Variants in LRP1B observed in about 807,000 individuals in gnomAD.
LRP1B encodes the protein low-density lipoprotein receptor-related protein 1B.
A neutral mutation model predicts 556.6 loss-of-function variants in LRP1B; 217 were observed. That is an observed-to-expected ratio of 0.39 (90% CI 0.35 to 0.44). The LOEUF is 0.44. LRP1B is among the 20% of genes least tolerant of loss of function. The probability of loss-of-function intolerance (pLI) is 1.00; values close to 1 mark genes in which losing one functional copy is unlikely to be tolerated. For synonymous variants in LRP1B, 2,047 were observed against 1,865.8 expected (o/e 1.10, Z -2.50); for missense variants, 5,053 against 5,620.8 (o/e 0.90, Z 3.23).
chr2:141,537,470 A>G (rs1327905542), intron 2 of LRP1B, among the ~76,000 whole-genome samples: 1 of 152,130 alleles, frequency 6.6e-6, no homozygotes, highest in Non-Finnish European at 1.5e-5. Context: ...AAAAGGAAAA[A>G]TGGTACTGAC....
chr2:140,626,805 G>C (rs1683680337), intron 41 of LRP1B, among the ~76,000 whole-genome samples: 1 of 149,826 alleles, frequency 6.7e-6, no homozygotes, highest in African/African-American at 2.4e-5. Context: ...AATATATAAA[G>C]ATCTCCCACA....
chr2:140,923,568 G>A (rs1372044780), intron 20 of LRP1B, among the ~76,000 whole-genome samples: 1 of 151,802 alleles, frequency 6.6e-6, no homozygotes, highest in Non-Finnish European at 1.5e-5. Context: ...ATCTTTCTCT[G>A]GGTAATTTCT....
intron 7 of LRP1B, among the ~76,000 whole-genome samples, chr2:141,131,891 G>T (rs947581576): frequency 3.3e-5 from 5 of 151,776 alleles, no homozygotes; most frequent in Non-Finnish European, 5.9e-5. Context: ...GGTTACATGA[G>T]TAAGTTCTTT....
intron 3 of LRP1B, among the ~76,000 whole-genome samples, chr2:141,376,640 T>A (rs1001547093): frequency 6.6e-6 from 1 of 152,218 alleles, no homozygotes; most frequent in African/African-American, 2.4e-5. Flanking sequence ...TTTTAACAAT[T>A]AGATTTCTAG....
At chr2:141,096,236 G>A (rs1316828063) in intron 7 of LRP1B, among the ~76,000 whole-genome samples, 1 of 152,096 alleles carries the variant, frequency 6.6e-6, no homozygotes, top group Non-Finnish European at 1.5e-5. Flanking sequence ...AAATCAGAGA[G>A]TGTATTTACA....
rs998309736 is a variant in LRP1B at position 141,388,523 on chromosome 2, CA to C, written c.343+91872del. Among the ~76,000 whole-genome samples, 8 of 152,010 alleles carry C rather than the reference CA, an allele frequency of 5.3e-5. No individual in the cohort carries two copies. The South Asian group carries it at 8.3e-4, about 16-fold the overall frequency. On this transcript the variant is annotated intron_variant, in intron 3 of 90. Transcript: ENST00000389484. ...GAAACTACTTCAATATAATAAAGGA[CA>C]TTTTTTTTAAACCCACAGCTAACAT...
At chr2:141,140,507 G>A (rs2105054187) in intron 7 of LRP1B, among the ~76,000 whole-genome samples, 1 of 152,154 alleles carries the variant, frequency 6.6e-6, no homozygotes, top group Middle Eastern at 3.4e-3. Context: ...AAGTAATTAG[G>A]GTTAAATGAG....
chr2:140,484,272 A>C (rs1431261374), intron 59 of LRP1B, among the ~76,000 whole-genome samples: 1 of 152,196 alleles, frequency 6.6e-6, no homozygotes, highest in Middle Eastern at 3.2e-3. Context: ...ACCTAAATTA[A>C]TGTATACAGT....
intron 35 of LRP1B, among the ~76,000 whole-genome samples, chr2:140,765,674 G>A (rs935595029): frequency 6.6e-6 from 1 of 151,858 alleles, no homozygotes; most frequent in Non-Finnish European, 1.5e-5. Context: ...GCTTCATCTG[G>A]TAGAAAAAAC....
At chr2:141,154,362 T>C (rs560635052) in intron 7 of LRP1B, among the ~76,000 whole-genome samples, 1 of 152,020 alleles carries the variant, frequency 6.6e-6, no homozygotes, top group Admixed American at 6.5e-5. Flanking sequence ...TCCCTTATTC[T>C]TATTTTATTC....
At chr2:142,078,538 A>G (rs1327780417) in intron 1 of LRP1B, among the ~76,000 whole-genome samples, 2 of 152,184 alleles carry the variant, frequency 1.3e-5, no homozygotes, top group Non-Finnish European at 1.5e-5. Context: ...ATTTAATGCT[A>G]TTGAATTAAT....
intron 1 of LRP1B, among the ~76,000 whole-genome samples, chr2:141,914,622 G>A (rs1301430887): frequency 6.6e-6 from 1 of 152,150 alleles, no homozygotes; most frequent in Non-Finnish European, 1.5e-5. Context: ...TATGCCAAAA[G>A]GCTCCTGGAA....
intron 2 of LRP1B, among the ~76,000 whole-genome samples, chr2:141,740,447 A>G (rs1391945439): frequency 6.6e-6 from 1 of 152,152 alleles, no homozygotes; most frequent in Non-Finnish European, 1.5e-5. Context: ...TTTTAACATT[A>G]TTTTTAATTT....
At chr2:140,653,732 AC>A (rs1397466070) in intron 41 of LRP1B, among the ~76,000 whole-genome samples, 1 of 152,036 alleles carries the variant, frequency 6.6e-6, no homozygotes, top group Non-Finnish European at 1.5e-5. Context: ...ATACTAAAAG[AC>A]TTTAACTATG....
At chr2:141,732,025 AG>A (rs1214207684) in intron 2 of LRP1B, among the ~76,000 whole-genome samples, 1 of 152,148 alleles carries the variant, frequency 6.6e-6, no homozygotes, top group Non-Finnish European at 1.5e-5. Context: ...TTTGGAGGGA[AG>A]GGTTCTCCGC....
chr2:141,836,026 T>C (rs566044907), intron 1 of LRP1B, among the ~76,000 whole-genome samples: 2 of 152,106 alleles, frequency 1.3e-5, no homozygotes, highest in Non-Finnish European at 2.9e-5. Flanking sequence ...TTGCTTGATA[T>C]GGATTCTTCA....
chr2:141,722,873 C>T (rs1407641759), intron 2 of LRP1B, among the ~76,000 whole-genome samples: 1 of 152,042 alleles, frequency 6.6e-6, no homozygotes, highest in Non-Finnish European at 1.5e-5. Flanking sequence ...GCTTATTCAT[C>T]CAAGTAAGCG....
At chr2:141,915,394 C>A (rs1336520796) in intron 1 of LRP1B, among the ~76,000 whole-genome samples, 2 of 151,914 alleles carry the variant, frequency 1.3e-5, no homozygotes, top group African/African-American at 2.4e-5. Context: ...CAAAAATTCA[C>A]CATACAAAAA....
intron 35 of LRP1B, among the ~76,000 whole-genome samples, chr2:140,738,741 C>T (rs1184368063): frequency 2.0e-5 from 3 of 152,114 alleles, no homozygotes; most frequent in African/African-American, 7.2e-5. Context: ...TCTCTATCGC[C>T]ATCTTTACTC....
Sources: gnomAD v4.1 joint callset for allele counts (sites outside exome capture counted in the v4.1 genomes callset) on GRCh38, gnomAD v4.1.1 for gene constraint, MANE v1.5 for transcripts, NCBI Gene and HGNC (gene_info 2026-07-23, HGNC 2026-07-21) for gene names.